The following PHRF1 variants were observed in gnomAD, a reference collection of about 807,000 sequenced individuals.
The protein encoded by PHRF1 is PHD and RING finger domain-containing protein 1.
PHRF1 carries 53 observed loss-of-function variants against 128.9 expected under a neutral mutation model. That is an observed-to-expected ratio of 0.41 (90% CI 0.33 to 0.52). The LOEUF is 0.52. PHRF1 is among the 20% of genes least tolerant of loss of function. PHRF1 has a pLI of 0.21. For missense variants in PHRF1, 2,503 were observed against 2,284.5 expected (o/e 1.10, Z -1.95); for synonymous variants, 1,178 against 980.6 (o/e 1.20, Z -3.76).
chr11:609,818 C>A, intron 14 of PHRF1, 98 bp downstream of exon 14: 1 of 810,194 alleles, frequency 1.2e-6, no homozygotes, highest in Non-Finnish European at 1.8e-6. Context: ...AGGCCCCGGC[C>A]TCCACCGAGG....
intron 1 of PHRF1, among the ~76,000 whole-genome samples, chr11:577,857 A>G (rs1033975469): frequency 2.0e-5 from 3 of 152,232 alleles, no homozygotes; most frequent in African/African-American, 7.2e-5. Context: ...CTGCCAATGC[A>G]TTGGTTCCCC....
chr11:605,784 TTC>T, intron 12 of PHRF1, 60 bp downstream of exon 12: 1 of 1,541,260 alleles, frequency 6.5e-7, no homozygotes, highest in Non-Finnish European at 8.7e-7. Context: ...CGGATGGGAG[TTC>T]TAGGGTGGGG....
chr11:580,909 A>C (rs1854163644), intron 1 of PHRF1, among the ~76,000 whole-genome samples: 1 of 152,000 alleles, frequency 6.6e-6, no homozygotes, highest in African/African-American at 2.4e-5. Context: ...GGCTGGTCTC[A>C]AACTCCCGAC....
chr11:579,790 C>T (rs952026563), intron 1 of PHRF1, among the ~76,000 whole-genome samples: 2 of 152,214 alleles, frequency 1.3e-5, no homozygotes, highest in Non-Finnish European at 2.9e-5. Flanking sequence ...TAAGATTTGG[C>T]AGTTGACAGT....
intron 6 of PHRF1, among the ~76,000 whole-genome samples, chr11:596,422 G>A (rs1269484336): frequency 6.6e-6 from 1 of 152,318 alleles, no homozygotes; most frequent in African/African-American, 2.4e-5. Context: ...GTGAGGGTGG[G>A]GGAGACAAGC....
intron 6 of PHRF1, 84 bp from the exon 7 acceptor site, chr11:596,839 C>T: frequency 3.3e-6 from 4 of 1,225,352 alleles, no homozygotes; most frequent in Non-Finnish European, 4.8e-6. Flanking sequence ...CCATCGGAGG[C>T]CTGCTTTGTG....
intron 10 of PHRF1, among the ~76,000 whole-genome samples, chr11:604,426 A>AGT (rs1855824750): frequency 6.6e-6 from 1 of 152,262 alleles, no homozygotes; most frequent in Non-Finnish European, 1.5e-5. Context: ...GGAAACAGCT[A>AGT]GTAACTCTTA....
chr11:581,849 C>T (rs1854223338), intron 2 of PHRF1, 113 bp from the exon 3 acceptor site: 32 of 1,418,244 alleles, frequency 2.3e-5, no homozygotes, highest in Admixed American at 3.0e-5. Context: ...CTGGGGAAGC[C>T]GTTAGCCGTT....
At chr11:595,233 G>A (rs540273953) in intron 6 of PHRF1, among the ~76,000 whole-genome samples, 1 of 152,266 alleles carries the variant, frequency 6.6e-6, no homozygotes, top group Admixed American at 6.5e-5. Context: ...TGAGGCACGC[G>A]AATACCTTGA....
At chr11:594,035 A>T (rs1855139504) in intron 6 of PHRF1, among the ~76,000 whole-genome samples, 1 of 152,164 alleles carries the variant, frequency 6.6e-6, no homozygotes, top group Non-Finnish European at 1.5e-5. Context: ...CAGCCTGGTC[A>T]TTGCAGCCCT....
At chr11:578,166 AACT>A (rs1564834531) in intron 1 of PHRF1, among the ~76,000 whole-genome samples, 1 of 152,128 alleles carries the variant, frequency 6.6e-6, no homozygotes, top group Non-Finnish European at 1.5e-5. Flanking sequence ...CCAGCATCCT[AACT>A]ACAGGTCCTG....
intron 10 of PHRF1, among the ~76,000 whole-genome samples, chr11:604,215 C>T (rs931785851): frequency 1.3e-5 from 2 of 152,218 alleles, no homozygotes; most frequent in Admixed American, 1.3e-4. Context: ...CCAGAACACT[C>T]CTGGGCGTCG....
chr11:604,895 A>G (rs1337929136), intron 10 of PHRF1, among the ~76,000 whole-genome samples: 1 of 152,176 alleles, frequency 6.6e-6, no homozygotes, highest in African/African-American at 2.4e-5. Context: ...TGACACTGCA[A>G]TGCCCGAGAG....
intron 9 of PHRF1, among the ~76,000 whole-genome samples, chr11:601,128 G>A (rs1422390748): frequency 1.3e-5 from 2 of 151,972 alleles, no homozygotes; most frequent in Admixed American, 6.5e-5. Context: ...TTCAGCCTTC[G>A]TGACAGAGCA....
chr11:593,249 G>A (rs1185458895), intron 6 of PHRF1, among the ~76,000 whole-genome samples: 1 of 152,252 alleles, frequency 6.6e-6, no homozygotes, highest in Non-Finnish European at 1.5e-5. Context: ...CCTGCGAGGG[G>A]CTTTCCCTGT....
At chr11:591,946 C>T (rs1164161814) in intron 5 of PHRF1, among the ~76,000 whole-genome samples, 2 of 148,492 alleles carry the variant, frequency 1.3e-5, no homozygotes, top group African/African-American at 5.0e-5. Context: ...ACAAGAGTCT[C>T]GCTCTTTTGC....
Position 606,458 on chromosome 11 carries a change from G to T in PHRF1, c.1471G>T (p.Ala491Ser). 1.3e-6 allele frequency: 2 copies of T among 1,565,782 alleles called. No homozygotes were observed. Among genetic ancestry groups the T allele is most frequent in the Middle Eastern group, 2.0e-4 (1 of 4,892 alleles). The change falls in exon 13 of 18, where the codon GCG becomes TCG. Residue 491 changes from alanine (A) to serine (S), a missense_variant. Ala to Ser is a moderately conservative substitution (Grantham distance 99). Transcript: ENST00000264555. ...TGCCCACAGGAGGCGCCTCCCTGCCGCGGTGCCAGAGCCAGACTTGGAGGA... is the reference window on the plus strand; with the variant it reads ...TGCCCACAGGAGGCGCCTCCCTGCCTCGGTGCCAGAGCCAGACTTGGAGGA... ...VGLSRRRLPAAVPEPDLEEEP... is the reference protein window; with the variant it reads ...VGLSRRRLPASVPEPDLEEEP...
intron 1 of PHRF1, among the ~76,000 whole-genome samples, 200 bp from the exon 2 acceptor site, chr11:581,292 G>A (rs1589855977): frequency 6.6e-6 from 1 of 152,156 alleles, no homozygotes; most frequent in South Asian, 2.1e-4. Flanking sequence ...CGGTGGATGT[G>A]ACACTGGGAC....
At chr11:589,581 G>GAGA (rs34610235) in intron 4 of PHRF1, among the ~76,000 whole-genome samples, 5 of 151,544 alleles carry the variant, frequency 3.3e-5, no homozygotes, top group African/African-American at 9.7e-5. Context: ...ACTCGGGGGG[G>GAGA]CAGGAGGCGC....
Sources: allele counts gnomAD v4.1 joint callset (sites outside exome capture counted in the v4.1 genomes callset), GRCh38; gene constraint gnomAD v4.1.1; transcripts MANE v1.5; gene names NCBI Gene and HGNC (gene_info 2026-07-23, HGNC 2026-07-21).